The following PDE1C variants were observed in gnomAD, a reference collection of about 807,000 sequenced individuals.
PDE1C encodes dual specificity calcium/calmodulin-dependent 3',5'-cyclic nucleotide phosphodiesterase 1C.
A neutral mutation model predicts 93.1 loss-of-function variants in PDE1C; 62 were observed. The ratio of observed to expected loss-of-function variants is 0.67; its 90% CI spans 0.54 to 0.82. The LOEUF (loss-of-function observed/expected upper bound fraction) is 0.82, where lower values mean the gene tolerates loss of function less well. Ranked by LOEUF, PDE1C falls within the 40% of genes least tolerant of loss-of-function variation. PDE1C has a pLI of 0.00. For missense variants in PDE1C, 742 were observed against 884.6 expected, an observed-to-expected ratio of 0.84 and a Z score of 2.04; for synonymous variants, 325 against 310.1, an observed-to-expected ratio of 1.05 and a Z score of -0.50.
chr7:32,171,852 C>A (rs1802675536), intron 2 of PDE1C, among the ~76,000 whole-genome samples: 1 of 146,518 alleles, frequency 6.8e-6, no homozygotes, highest in African/African-American at 2.6e-5. Flanking sequence ...CTGTCACAGC[C>A]AAGAGGAGCC....
intron 1 of PDE1C, among the ~76,000 whole-genome samples, chr7:32,367,726 T>C (rs978883717): frequency 6.6e-6 from 1 of 152,086 alleles, no homozygotes; most frequent in Admixed American, 6.5e-5. Flanking sequence ...GAGGATTGCT[T>C]GAGGCCAGGA....
chr7:31,805,327 G>A (rs1325768662), intron 16 of PDE1C, among the ~76,000 whole-genome samples: 2 of 151,738 alleles, frequency 1.3e-5, no homozygotes, highest in Non-Finnish European at 2.9e-5. Flanking sequence ...TATAATTGTT[G>A]ATTTCTGGAA....
chr7:32,400,644 C>T (rs911555989), intron 1 of PDE1C, among the ~76,000 whole-genome samples: 5 of 152,218 alleles, frequency 3.3e-5, no homozygotes, highest in Non-Finnish European at 5.9e-5. Flanking sequence ...TTGGAAAACA[C>T]TGGACTAGAA....
the PDE1C span, among the ~76,000 whole-genome samples, chr7:31,684,483 C>A: frequency 6.6e-6 from 1 of 152,050 alleles, no homozygotes; most frequent in African/African-American, 2.4e-5. Context: ...AAAATACAAA[C>A]AGCAAACTGG....
chr7:32,398,537 T>C (rs111404164), intron 1 of PDE1C, among the ~76,000 whole-genome samples: 6,227 of 151,632 alleles, frequency 0.041, 310 homozygotes, highest in African/African-American at 0.12. Flanking sequence ...TACAGGTGCA[T>C]GCCACCAAAC....
intron 2 of PDE1C, among the ~76,000 whole-genome samples, chr7:31,953,756 G>A (rs960765505): frequency 6.6e-6 from 1 of 151,930 alleles, no homozygotes; most frequent in Non-Finnish European, 1.5e-5. Context: ...TTAACTCAAG[G>A]CCTGTTCCAT....
At chr7:31,646,195 A>G in the PDE1C span, among the ~76,000 whole-genome samples, 2 of 152,124 alleles carry the variant, frequency 1.3e-5, no homozygotes, top group African/African-American at 4.8e-5. Context: ...ACTCCAGGAG[A>G]AATGGTTTTT....
At chr7:32,359,894 C>G (rs942585693) in intron 1 of PDE1C, among the ~76,000 whole-genome samples, 3 of 152,176 alleles carry the variant, frequency 2.0e-5, no homozygotes, top group African/African-American at 7.2e-5. Context: ...AACTCAAATG[C>G]CACCCCATCC....
chr7:31,809,681 T>A (rs1787316902), intron 15 of PDE1C, among the ~76,000 whole-genome samples: 1 of 152,102 alleles, frequency 6.6e-6, no homozygotes, highest in African/African-American at 2.4e-5. Context: ...AGTAAGAGGA[T>A]TCCAAGAGTA....
chr7:31,871,453 A>T (rs1795943570), intron 6 of PDE1C, among the ~76,000 whole-genome samples: 1 of 152,134 alleles, frequency 6.6e-6, no homozygotes, highest in East Asian at 1.9e-4. Context: ...AAATATCTGC[A>T]AAATATTCAT....
intron 3 of PDE1C, among the ~76,000 whole-genome samples, chr7:32,154,349 C>T (rs1258557552): frequency 6.6e-6 from 1 of 151,876 alleles, no homozygotes; most frequent in Non-Finnish European, 1.5e-5. Context: ...CTTTTTTAAC[C>T]TTTTATTTAA....
upstream of PDE1C, among the ~76,000 whole-genome samples, chr7:32,304,093 G>C (rs1320822408): frequency 6.6e-6 from 1 of 152,106 alleles, no homozygotes; most frequent in Non-Finnish European, 1.5e-5. Context: ...AGCCAACCAG[G>C]TTTGCCTAGA....
intron 1 of PDE1C, among the ~76,000 whole-genome samples, chr7:32,362,797 C>T (rs1398203618): frequency 6.6e-6 from 1 of 152,204 alleles, no homozygotes; most frequent in Non-Finnish European, 1.5e-5. Flanking sequence ...GCGTCTGCTG[C>T]ACTCCCCTGA....
At chr7:32,015,596 A>G (rs1251214759) in intron 2 of PDE1C, among the ~76,000 whole-genome samples, 2 of 151,592 alleles carry the variant, frequency 1.3e-5, no homozygotes, top group Non-Finnish European at 2.9e-5. Context: ...TTGACCTTTG[A>G]TTTTCAAACA....
intron 2 of PDE1C, among the ~76,000 whole-genome samples, chr7:32,022,654 A>T (rs1250731597): frequency 5.3e-5 from 8 of 152,092 alleles, no homozygotes; most frequent in Non-Finnish European, 8.8e-5. Flanking sequence ...AAATGAATAA[A>T]CAAACAAATT....
the PDE1C span, among the ~76,000 whole-genome samples, chr7:31,623,710 GGAAAAC>G: frequency 7.2e-6 from 1 of 138,290 alleles, no homozygotes; most frequent in Admixed American, 7.5e-5. Context: ...AGTTTTCAAA[GGAAAAC>G]TTTGAAACCT....
At chr7:31,907,700 GA>G (rs1426118755) in intron 2 of PDE1C, among the ~76,000 whole-genome samples, 4 of 151,840 alleles carry the variant, frequency 2.6e-5, no homozygotes, top group East Asian at 1.9e-4. Flanking sequence ...ATGTGAATGT[GA>G]AAAAAATCCC....
chr7:31,740,528 T>C, the PDE1C span, among the ~76,000 whole-genome samples: 1 of 152,210 alleles, frequency 6.6e-6, no homozygotes, highest in Non-Finnish European at 1.5e-5. Context: ...AAAATTGAAA[T>C]AAGATCTATT....
downstream of PDE1C, among the ~76,000 whole-genome samples, chr7:31,750,185 G>A (rs1286647348): frequency 6.6e-6 from 1 of 152,294 alleles, no homozygotes; most frequent in Middle Eastern, 3.4e-3. Flanking sequence ...AGGGTAAATA[G>A]GAACAGAGTG....
Sources: allele counts gnomAD v4.1 joint callset (sites outside exome capture counted in the v4.1 genomes callset), GRCh38; gene constraint gnomAD v4.1.1; transcripts MANE v1.5; gene names NCBI Gene and HGNC (gene_info 2026-07-23, HGNC 2026-07-21).